Variants in CPXM2 observed in about 807,000 individuals in gnomAD.
CPXM2 encodes the protein inactive carboxypeptidase-like protein X2.
Under a neutral mutation model 86.1 loss-of-function variants are expected in CPXM2, and 66 were observed. The observed-to-expected ratio is 0.77, with a 90% CI of 0.63 to 0.94. The LOEUF (loss-of-function observed/expected upper bound fraction) is 0.94. Among genes scored for constraint, CPXM2 ranks in the 40% least tolerant of loss-of-function variants. The probability of loss-of-function intolerance (pLI) is 0.00; values close to 1 mark genes in which losing one functional copy is unlikely to be tolerated. For missense variants in CPXM2, 948 were observed against 1,026.3 expected (o/e 0.92, Z 1.04); for synonymous variants, 388 against 400.2 (o/e 0.97, Z 0.36).
chr10:123,834,250 C>T (rs1029503679), intron 4 of CPXM2, among the ~76,000 whole-genome samples: 7 of 152,154 alleles, frequency 4.6e-5, no homozygotes, highest in Non-Finnish European at 1.0e-4. Context: ...AAAGAGCCCC[C>T]GCTATGCTAG....
chr10:123,940,754 C>T (rs961290810), upstream of CPXM2, among the ~76,000 whole-genome samples: 2 of 152,184 alleles, frequency 1.3e-5, no homozygotes, highest in South Asian at 2.1e-4. Flanking sequence ...ATTCCCACAC[C>T]GGTGGGGCCC....
chr10:123,852,278 A>C (rs771065521), intron 3 of CPXM2, among the ~76,000 whole-genome samples: 1 of 152,086 alleles, frequency 6.6e-6, no homozygotes, highest in African/African-American at 2.4e-5. Context: ...CCATTAGATT[A>C]CTAGATTATC....
At chr10:123,798,998 G>T in intron 5 of CPXM2, 117 bp downstream of exon 5, 1 of 1,151,480 alleles carries the variant, frequency 8.7e-7, no homozygotes, top group Non-Finnish European at 1.3e-6. Flanking sequence ...TGTAGTGGTA[G>T]GTTTGAGTTG....
At chr10:123,901,473 G>GTGTGTT (rs1266089011) in intron 2 of CPXM2, among the ~76,000 whole-genome samples, 1 of 147,886 alleles carries the variant, frequency 6.8e-6, no homozygotes, top group African/African-American at 2.5e-5. Context: ...GTGTGTGTGT[G>GTGTGTT]TTTTCCCCTA....
At position 123,818,948 on chromosome 10, in the gene CPXM2, C is replaced by T. The variant is rs1847869112; in HGVS notation, c.654-19749G>A. Among the ~76,000 whole-genome samples, 3 of 152,136 alleles carry T rather than the reference C, an allele frequency of 2.0e-5. No individual in the cohort carries two copies. In the South Asian group the frequency reaches 6.2e-4, roughly 32 times the overall value. On this transcript the variant is annotated intron_variant, in intron 4 of 13. Transcript: ENST00000241305. Reference sequence around the variant, plus strand: ...ACCATCACCCCTAGTGATCCACTAGCAAAATTTTCGCTTCCTGTTCCCACG... The same window carrying T: ...ACCATCACCCCTAGTGATCCACTAGTAAAATTTTCGCTTCCTGTTCCCACG...
At chr10:123,783,438 T>C (rs892731460) in intron 6 of CPXM2, among the ~76,000 whole-genome samples, 1 of 152,196 alleles carries the variant, frequency 6.6e-6, no homozygotes, top group Non-Finnish European at 1.5e-5. Context: ...CACACTTCCT[T>C]CCTTCAGCTA....
intron 2 of CPXM2, among the ~76,000 whole-genome samples, chr10:123,879,108 GA>G (rs1219193678): frequency 1.3e-5 from 2 of 152,232 alleles, no homozygotes; most frequent in Admixed American, 1.3e-4. Context: ...AGTGACCACA[GA>G]AGGTCACTGT....
chr10:123,880,823 C>T (rs557861037), intron 1 of CPXM2, among the ~76,000 whole-genome samples: 6 of 71,122 alleles, frequency 8.4e-5, no homozygotes, highest in African/African-American at 1.7e-4. Context: ...AGCGAGATTC[C>T]GTCTCAAAAA....
intron 4 of CPXM2, among the ~76,000 whole-genome samples, chr10:123,825,261 G>A (rs1848022156): frequency 6.6e-6 from 1 of 152,168 alleles, no homozygotes; most frequent in African/African-American, 2.4e-5. Context: ...AGGGGGCAGG[G>A]TGAAATGCCC....
At chr10:123,850,070 A>G (rs1003567053) in intron 3 of CPXM2, among the ~76,000 whole-genome samples, 3 of 152,306 alleles carry the variant, frequency 2.0e-5, no homozygotes, top group Middle Eastern at 3.4e-3. Context: ...CTCAATATTT[A>G]TTATATCTGG....
chr10:123,850,606 G>A (rs1379950591), intron 3 of CPXM2, among the ~76,000 whole-genome samples: 1 of 152,172 alleles, frequency 6.6e-6, no homozygotes, highest in East Asian at 1.9e-4. Flanking sequence ...TGCTTGTGTT[G>A]AAGTAATCTT....
chr10:123,919,406 G>C (rs892900904), intron 2 of CPXM2, among the ~76,000 whole-genome samples: 1 of 152,120 alleles, frequency 6.6e-6, no homozygotes, highest in South Asian at 2.1e-4. Context: ...AACATACTAA[G>C]AACCAGATAC....
intron 6 of CPXM2, among the ~76,000 whole-genome samples, chr10:123,797,672 C>A (rs142533374): frequency 0.02 from 3,119 of 152,190 alleles, 32 homozygotes; most frequent in Non-Finnish European, 0.033. Flanking sequence ...GATCCTCCTG[C>A]CTCAGCCTCC....
intron 2 of CPXM2, among the ~76,000 whole-genome samples, chr10:123,914,407 G>A (rs1354252012): frequency 6.6e-6 from 1 of 152,070 alleles, no homozygotes; most frequent in Non-Finnish European, 1.5e-5. Context: ...TCTCTCTCTA[G>A]GGAAGCCTGT....
intron 3 of CPXM2, among the ~76,000 whole-genome samples, chr10:123,843,432 A>ATTTTTTTT (rs5788632): frequency 7.9e-6 from 1 of 126,392 alleles, no homozygotes; most frequent in Non-Finnish European, 1.6e-5. Flanking sequence ...TCACAGAGCT[A>ATTTTTTTT]TTTTTTTTTT....
At chr10:123,897,224 CTGTT>C (rs1034783806) in intron 2 of CPXM2, among the ~76,000 whole-genome samples, 5 of 152,118 alleles carry the variant, frequency 3.3e-5, no homozygotes, top group African/African-American at 9.7e-5. Context: ...CTCAATATCA[CTGTT>C]TGTCTCCACA....
At chr10:123,782,702 TC>T (rs573614795) in intron 6 of CPXM2, among the ~76,000 whole-genome samples, 148 of 152,254 alleles carry the variant, frequency 9.7e-4, no homozygotes, top group African/African-American at 3.4e-3. Context: ...ATCCCCTGCT[TC>T]CTTCTGTGGA....
At chr10:123,937,708 G>A (rs1945736167) in intron 2 of CPXM2, among the ~76,000 whole-genome samples, 1 of 152,010 alleles carries the variant, frequency 6.6e-6, no homozygotes, top group Admixed American at 6.6e-5. Flanking sequence ...GTCTGAGAAG[G>A]GAAACAAGAT....
intron 3 of CPXM2, among the ~76,000 whole-genome samples, chr10:123,855,602 G>A (rs893806143): frequency 6.6e-5 from 10 of 152,300 alleles, no homozygotes; most frequent in Middle Eastern, 3.4e-3. Context: ...AGGGAGACAC[G>A]TACAGGACGT....
Sources: allele counts gnomAD v4.1 joint callset (sites outside exome capture counted in the v4.1 genomes callset), GRCh38; gene constraint gnomAD v4.1.1; transcripts MANE v1.5; gene names NCBI Gene and HGNC (gene_info 2026-07-23, HGNC 2026-07-21).